ASPH: variants seen among roughly 807,000 people sequenced by gnomAD.
The protein encoded by ASPH is aspartate beta-hydroxylase.
ASPH carries 100 observed loss-of-function variants against 118.4 expected under a neutral mutation model. That is an observed-to-expected ratio of 0.84 (90% CI 0.72 to 1.00). ASPH has a LOEUF of 1.00. Among genes scored for constraint, ASPH ranks in the 50% least tolerant of loss-of-function variants. ASPH has a pLI of 0.00. For synonymous variants in ASPH, 315 were observed against 325.6 expected (o/e 0.97, Z 0.35); for missense variants, 920 against 919.5 (o/e 1.00, Z -0.01).
intron 14 of ASPH, among the ~76,000 whole-genome samples, chr8:61,603,739 TA>T (rs1166567347): frequency 2.0e-5 from 3 of 152,044 alleles, no homozygotes; most frequent in Non-Finnish European, 2.9e-5. Flanking sequence ...TAGAAAGTGG[TA>T]GGGGGGAAGT....
intron 3 of ASPH, chr8:61,665,474 T>C: frequency 6.4e-7 from 1 of 1,570,488 alleles, no homozygotes; most frequent in Non-Finnish European, 8.7e-7. Flanking sequence ...CCTGGATAGG[T>C]CTGCATCAGC....
Position 61,501,724 on chromosome 8 carries a change from A to G in ASPH, c.*1635T>C, listed in dbSNP as rs1023437004. ...ATGCCTCTTCATCTGATTTAGTGGG[A>G]TGTTTTCAATACCAGCAAAACAAAA... On this transcript the variant is annotated 3_prime_UTR_variant, in exon 25 of 25. Transcript: ENST00000379454. The G allele has an allele frequency of 6.6e-6, 1 of 152,182 alleles. No homozygotes were observed. The highest frequency in any genetic ancestry group is 1.5e-5 in the Non-Finnish European group (1 of 68,044). The allele number at this position is 152,182 out of a possible 1,614,324, so 9.4% of individuals were successfully genotyped here. A position where few individuals can be genotyped will look rare whatever the true frequency, so the allele number is the denominator to read the frequency against.
At chr8:61,646,020 A>G (rs1996376) in intron 6 of ASPH, among the ~76,000 whole-genome samples, 21,896 of 152,114 alleles carry the variant, frequency 0.14, 1,616 homozygotes, top group African/African-American at 0.19. Flanking sequence ...CCTTGCCACT[A>G]TAAAAAATTT....
In ASPH at chr8:61,567,216, G is replaced by C; in HGVS notation, c.1252C>G (p.Leu418Val). Residue 418 changes from leucine (L) to valine (V), a missense_variant, in exon 17 of 25, where the codon CTG becomes GTG. Coordinates refer to ENST00000379454, the MANE Select transcript of ASPH (RefSeq NM_004318.4). ...VASLPDVPAD[L>V]LKLSLKRRSD... ...CGACGCTTCAAACTCAGCTTCAGCA[G>C]GTCTGCAGGGACATCAGGTAGGCTG... The C allele has an allele frequency of 6.2e-7, 1 of 1,614,000 alleles. No individual in the cohort carries two copies. The highest frequency in any genetic ancestry group is 1.1e-5 in the South Asian group (1 of 91,064).
At chr8:61,568,218 C>G (rs1443466658) in intron 16 of ASPH, among the ~76,000 whole-genome samples, 2 of 152,032 alleles carry the variant, frequency 1.3e-5, no homozygotes, top group African/African-American at 4.8e-5. Flanking sequence ...GACTGAGAAG[C>G]TGGGAGAGGC....
At chr8:61,653,219 AATG>A (rs1811988613) in intron 4 of ASPH, among the ~76,000 whole-genome samples, 1 of 152,160 alleles carries the variant, frequency 6.6e-6, no homozygotes, top group Admixed American at 6.5e-5. Context: ...TCACGTGACA[AATG>A]ATAACACTAG....
At chr8:61,678,374 C>G (rs562214657) in intron 3 of ASPH, among the ~76,000 whole-genome samples, 2 of 151,896 alleles carry the variant, frequency 1.3e-5, no homozygotes, top group Admixed American at 1.3e-4. Flanking sequence ...CAAAAGATAC[C>G]TATATTTTAG....
intron 3 of ASPH, among the ~76,000 whole-genome samples, chr8:61,672,194 C>A (rs1253674701): frequency 6.6e-6 from 1 of 152,018 alleles, no homozygotes. Context: ...GGACACTACA[C>A]CAATTGCTTT....
At chr8:61,603,314 TAG>T (rs777547899) in intron 14 of ASPH, among the ~76,000 whole-genome samples, 8 of 151,838 alleles carry the variant, frequency 5.3e-5, no homozygotes, top group Admixed American at 1.3e-4. Context: ...TAAAAATTTA[TAG>T]AGTTTGTTAA....
chr8:61,640,940 T>C (rs536597508), intron 10 of ASPH, among the ~76,000 whole-genome samples: 8 of 152,326 alleles, frequency 5.3e-5, no homozygotes, highest in East Asian at 3.9e-4. Context: ...TATTCTCCCA[T>C]TGAAATGTGG....
In ASPH at chr8:61,517,646, T is replaced by A. The variant is rs756073199; in HGVS notation, c.2008A>T (p.Met670Leu). ...CRRGQIKYSI[M>L]HPGTHVWPHT... ...GGCCACACGTGAGTCCCGGGGTGCA[T>A]GATGGAATATTTGATCTGCATAGAA... Residue 670 changes from methionine (M) to leucine (L), a missense_variant, in exon 24 of 25, where the codon ATG (methionine) becomes TTG (leucine). Physicochemically the swap from Met to Leu is conservative, Grantham distance 15. Coordinates refer to ENST00000379454, the MANE Select transcript of ASPH (RefSeq NM_004318.4). 1.2e-6 allele frequency: 2 copies of A among 1,613,946 alleles called. No homozygotes were observed. Among genetic ancestry groups the A allele is most frequent in the Non-Finnish European group, 1.7e-6 (2 of 1,179,866 alleles).
In ASPH at chr8:61,653,636, T is replaced by C. The variant is rs1434999629; in HGVS notation, c.347A>G (p.Glu116Gly). The change falls in exon 4 of 25, where the codon GAG becomes GGG. Residue 116 changes from glutamate to glycine, a missense_variant. By Grantham distance (98) the Glu-to-Gly change is moderately conservative. Coordinates refer to ENST00000379454, the MANE Select transcript of ASPH (RefSeq NM_004318.4). ...AGCCTCTTCTGGCGGGACTGCTGGC[T>C]CTGAAGTAGATCTCTCTTTAAGTCC... ...LLGLKERSTS[E>G]PAVPPEEAEP... The C allele has an allele frequency of 1.2e-6, 2 of 1,613,936 alleles. No homozygotes were observed. Among genetic ancestry groups the C allele is most frequent in the South Asian group, 2.2e-5 (2 of 91,066 alleles).
At chr8:61,627,245 G>A (rs1853325169) in intron 13 of ASPH, among the ~76,000 whole-genome samples, 1 of 152,204 alleles carries the variant, frequency 6.6e-6, no homozygotes, top group African/African-American at 2.4e-5. Context: ...AAAACTGTAG[G>A]AAATAGTTAT....
chr8:61,528,432 A>G (rs1816307254), intron 21 of ASPH, among the ~76,000 whole-genome samples: 1 of 152,216 alleles, frequency 6.6e-6, no homozygotes, highest in Non-Finnish European at 1.5e-5. Context: ...TGTTAAATTG[A>G]CACACAGACA....
chr8:61,625,279 T>C (rs902343888), intron 13 of ASPH: 4 of 985,640 alleles, frequency 4.1e-6, no homozygotes, highest in African/African-American at 3.5e-5. Context: ...TGCCGTGAAA[T>C]AGCAGCAGGC....
intron 21 of ASPH, among the ~76,000 whole-genome samples, chr8:61,535,423 G>T (rs1819117758): frequency 6.6e-6 from 1 of 152,218 alleles, no homozygotes; most frequent in South Asian, 2.1e-4. Context: ...ACATAAGCAA[G>T]ATTAGGTTAG....
rs185402777 is a variant in ASPH at position 61,547,681 on chromosome 8, T to A, written c.1764+390A>T. On this transcript the variant is annotated intron_variant, in intron 21 of 24. Transcript: ENST00000379454. ...TTCTGTTTTGAAAATATAATTTTTT[T>A]AAAAAGTTATTTATACTGACATGTT... Among the ~76,000 whole-genome samples the A allele has an allele frequency of 3.0e-3, 456 of 152,186 alleles. 2 individuals carry two copies. The highest frequency in any genetic ancestry group is 9.5e-3 in the African/African-American group (396 of 41,576).
intron 3 of ASPH, among the ~76,000 whole-genome samples, chr8:61,662,159 T>C (rs1817261691): frequency 6.6e-6 from 1 of 152,164 alleles, no homozygotes; most frequent in African/African-American, 2.4e-5. Flanking sequence ...AGCACTCAAA[T>C]ATTTTCACAA....
chr8:61,501,076 C>G lies in ASPH; in HGVS notation c.*2283G>C, dbSNP rs1804818546. On this transcript the variant is annotated 3_prime_UTR_variant, in exon 25 of 25. Coordinates refer to ENST00000379454, the MANE Select transcript of ASPH (RefSeq NM_004318.4). Reference sequence around the variant, plus strand: ...AGAATTAAAAATATTTCTCAAACAACTGTATCACAATATAAATTAAACTAA... The same window carrying G: ...AGAATTAAAAATATTTCTCAAACAAGTGTATCACAATATAAATTAAACTAA... The G allele has an allele frequency of 6.6e-6, 1 of 151,660 alleles. No homozygotes were observed. Among genetic ancestry groups the G allele is most frequent in the African/African-American group, 2.4e-5 (1 of 41,026 alleles). The allele number at this position is 151,660 out of a possible 1,614,324, so 9.4% of individuals were successfully genotyped here.
Sources: allele counts gnomAD v4.1 joint callset (sites outside exome capture counted in the v4.1 genomes callset), GRCh38; gene constraint gnomAD v4.1.1; transcripts MANE v1.5; gene names NCBI Gene and HGNC (gene_info 2026-07-23, HGNC 2026-07-21).